SEC61A2: variants seen among roughly 807,000 people sequenced by gnomAD.
SEC61A2 encodes the protein SEC61 translocon subunit alpha 2.
A neutral mutation model predicts 59.9 loss-of-function variants in SEC61A2; 28 were observed. The ratio of observed to expected loss-of-function variants is 0.47; its 90% confidence interval spans 0.35 to 0.64. The LOEUF (loss-of-function observed/expected upper bound fraction) is 0.64, where lower values mean the gene tolerates loss of function less well. Among genes scored for constraint, SEC61A2 ranks in the 30% least tolerant of loss-of-function variants. The probability of loss-of-function intolerance (pLI) is 0.01; values close to 1 mark genes in which losing one functional copy is unlikely to be tolerated. For synonymous variants in SEC61A2, 202 were observed against 214.4 expected (o/e 0.94, Z 0.50); for missense variants, 340 against 585.9 (o/e 0.58, Z 4.33).
At chr10:12,140,962 C>T (rs1361818810) in intron 3 of SEC61A2, among the ~76,000 whole-genome samples, 2 of 150,638 alleles carry the variant, frequency 1.3e-5, no homozygotes, top group South Asian at 2.1e-4. Context: ...TTCAGTGGCA[C>T]GATGTCTGCT....
chr10:12,156,611 G>A lies in SEC61A2; in HGVS notation c.617-296G>A, dbSNP rs768562872. On this transcript the variant is annotated intron_variant, in intron 7 of 11. Transcript: ENST00000298428. The surrounding 1 kb of genome is among the most constrained non-coding windows in gnomAD (Gnocchi z 5.2). The stretch of plus-strand genomic sequence containing the variant: ...AACACTCTCTCCCTTCCCTGAAGTA[G>A]AGGAGAGGCAAATCTCTATGAATGA... Among the ~76,000 whole-genome samples, 1 of 152,204 alleles carries A rather than the reference G, an allele frequency of 6.6e-6. No individual in the cohort carries two copies. Among genetic ancestry groups the A allele is most frequent in the Non-Finnish European group, 1.5e-5 (1 of 68,042 alleles).
At chr10:12,157,827 GTTCT>G (rs1437478877) in intron 8 of SEC61A2, 77 bp from the exon 9 acceptor site, 5 of 1,350,836 alleles carry the variant, frequency 3.7e-6, no homozygotes, top group Admixed American at 1.7e-5. Context: ...CCCCCGCACT[GTTCT>G]TTGTTTTCCC....
chr10:12,161,048 T>G lies in SEC61A2; in HGVS notation c.1094T>G (p.Ile365Ser). 1 of 1,614,180 alleles carries G rather than the reference T, an allele frequency of 6.2e-7. No homozygotes were observed. ...GATCCTGTCCATGTCGTTGTTTATATCATCTTCATGTTGGGGTCATGTGCA... is the reference window on the plus strand; with the variant it reads ...GATCCTGTCCATGTCGTTGTTTATAGCATCTTCATGTTGGGGTCATGTGCA... ...FEDPVHVVVY[I>S]IFMLGSCAFF... Residue 365 changes from isoleucine to serine, a missense_variant, in exon 10 of 12, where the codon ATC (isoleucine) becomes AGC (serine). By Grantham distance (142) the Ile-to-Ser change is moderately radical (BLOSUM62 -2). This residue lies in a region of SEC61A2 where 283 missense variants were observed against 483.2 expected (regional missense o/e 0.59). Coordinates refer to ENST00000298428, the MANE Select transcript of SEC61A2 (RefSeq NM_018144.4). The surrounding 1 kb of genome is among the most constrained non-coding windows in gnomAD (Gnocchi z 5.4).
intron 3 of SEC61A2, among the ~76,000 whole-genome samples, chr10:12,140,356 C>G (rs749704469): frequency 2.6e-5 from 4 of 152,182 alleles, no homozygotes; most frequent in Non-Finnish European, 5.9e-5. Context: ...AAGTTTGGAA[C>G]TCTGCAACTG....
In SEC61A2 at chr10:12,149,469, A is replaced by G; in HGVS notation, c.221-126A>G. 2 of 882,694 alleles carry G rather than the reference A, an allele frequency of 2.3e-6. No homozygotes were observed. The highest frequency in any genetic ancestry group is 1.8e-5 in the South Asian group (1 of 56,656). The allele number at this position is 882,694 out of a possible 1,614,324, so 54.7% of individuals were successfully genotyped here. A position where few individuals can be genotyped will look rare whatever the true frequency, so the allele number is the denominator to read the frequency against. ...TTTCTTAGCAAGTAGTGTTTAAGAA[A>G]TGAAAATTTGCTTGTTAAAATTTTC... On this transcript the variant is annotated intron_variant, in intron 4 of 11. Transcript: ENST00000298428. The surrounding 1 kb of genome is among the most constrained non-coding windows in gnomAD (Gnocchi z 5.2).
At chr10:12,163,357 CTT>C (rs1050586978) in intron 11 of SEC61A2, among the ~76,000 whole-genome samples, 1 of 119,954 alleles carries the variant, frequency 8.3e-6, no homozygotes, top group Admixed American at 1.1e-4. Context: ...TGGGGCCTCA[CTT>C]TGTCACCCAG....
At chr10:12,134,717 A>G (rs1017350199) in intron 2 of SEC61A2, among the ~76,000 whole-genome samples, 1 of 151,960 alleles carries the variant, frequency 6.6e-6, no homozygotes, top group Non-Finnish European at 1.5e-5. Context: ...AGAGATGGGG[A>G]CCATCCTTGC....
downstream of SEC61A2, chr10:12,169,118 T>C: frequency 1.8e-6 from 1 of 557,868 alleles, no homozygotes; most frequent in Non-Finnish European, 3.2e-6. This position sits in a 1 kb window ranked among gnomAD's most constrained non-coding sequence, Gnocchi z 4.8. Context: ...ATGTTGCTGG[T>C]TGAATAAACG....
rs1371942340 is a variant in SEC61A2 at position 12,158,071 on chromosome 10, G to A, written c.941G>A (p.Gly314Asp). ...ISQMLSVRFS[G>D]NFLVNLLGQW... is the part of the protein sequence containing the mutation. ...CAGATGCTGTCTGTTCGATTTAGTG[G>A]CAACTTTTTAGTAAATTTACTAGGA... is the stretch of plus-strand genomic sequence containing the variant. The change falls in exon 9 of 12, where the codon GGC (glycine) becomes GAC (aspartate). Residue 314 changes from glycine to aspartate, a missense_variant. Gly to Asp is a moderately conservative substitution (Grantham distance 94). Transcript: ENST00000298428. The surrounding 1 kb of genome is among the most constrained non-coding windows in gnomAD (Gnocchi z 5.7). 10 of 1,614,046 alleles carry A rather than the reference G, an allele frequency of 6.2e-6. No individual in the cohort carries two copies. Among genetic ancestry groups the A allele is most frequent in the Non-Finnish European group, 1.7e-6 (2 of 1,179,960 alleles).
Position 12,145,301 on chromosome 10 carries a change from C to T in SEC61A2, c.220+2106C>T, listed in dbSNP as rs1486369983. 2.6e-5 allele frequency among the ~76,000 whole-genome samples: 4 copies of T among 152,164 alleles called. No homozygotes were observed. In the East Asian group the frequency reaches 7.7e-4, roughly 29 times the overall value. On this transcript the variant is annotated intron_variant, in intron 4 of 11. Coordinates refer to ENST00000298428, the MANE Select transcript of SEC61A2 (RefSeq NM_018144.4). The surrounding 1 kb of genome is among the most constrained non-coding windows in gnomAD (Gnocchi z 4.4). Reference sequence around the variant, plus strand: ...GAATGCTACAATGAAGGCTATCACACCGTTCTGTAACTTTTTGATAGAATG... The same window carrying T: ...GAATGCTACAATGAAGGCTATCACATCGTTCTGTAACTTTTTGATAGAATG...
In SEC61A2 at chr10:12,129,759, T is replaced by TTTCC. The variant is rs1833683135; in HGVS notation, c.-28_-25dup. ...AGCGAAGGCAGCGCCGAGGCCGCGGTTTCCCCCTGGGCCTCCCCAGCAGCA... is the reference window on the plus strand; with the variant it reads ...AGCGAAGGCAGCGCCGAGGCCGCGGTTTCCTTCCCCCTGGGCCTCCCCAGCAGCA... On this transcript the variant is annotated 5_prime_UTR_variant, in exon 1 of 12. Transcript: ENST00000298428. The surrounding 1 kb of genome is among the most constrained non-coding windows in gnomAD (Gnocchi z 5.6). 4 of 1,488,900 alleles carry TTTCC rather than the reference T, an allele frequency of 2.7e-6. No homozygotes were observed. Among genetic ancestry groups the TTTCC allele is most frequent in the Non-Finnish European group, 3.6e-6 (4 of 1,124,444 alleles). 92.2% of individuals were successfully genotyped at this position (1,488,900 alleles called of 1,614,324 possible).
Position 12,129,871 on chromosome 10 carries a change from G to A in SEC61A2, c.7+77G>A. 1 of 1,263,152 alleles carries A rather than the reference G, an allele frequency of 7.9e-7. No individual in the cohort carries two copies. Among genetic ancestry groups the A allele is most frequent in the Non-Finnish European group, 1.0e-6 (1 of 985,894 alleles). The allele number at this position is 1,263,152 out of a possible 1,614,324, so 78.2% of individuals were successfully genotyped here. A position where few individuals can be genotyped will look rare whatever the true frequency, so the allele number is the denominator to read the frequency against. On this transcript the variant is annotated intron_variant, in intron 1 of 11. Transcript: ENST00000298428. This position sits in a 1 kb window ranked among gnomAD's most constrained non-coding sequence, Gnocchi z 5.6. Reference sequence around the variant, plus strand: ...CTGGGCTGCGGGCGGTGGGGCTGGCGCTCGCTCGGAGTCGTGGGGGCCAGG... The same window carrying A: ...CTGGGCTGCGGGCGGTGGGGCTGGCACTCGCTCGGAGTCGTGGGGGCCAGG...
Position 12,152,921 on chromosome 10 carries a change from T to G in SEC61A2, c.463-2857T>G, listed in dbSNP as rs1378001976. 1.3e-5 allele frequency among the ~76,000 whole-genome samples: 2 copies of G among 151,736 alleles called. No homozygotes were observed. The highest frequency in any genetic ancestry group is 2.9e-5 in the Non-Finnish European group (2 of 67,932). ...TAAAACGACAAAAATTAGCCAGGCG[T>G]GGCGGTGTGTGCCTGTAATCCCAGC... On this transcript the variant is annotated intron_variant, in intron 6 of 11. Coordinates refer to ENST00000298428, the MANE Select transcript of SEC61A2 (RefSeq NM_018144.4). This position sits in a 1 kb window ranked among gnomAD's most constrained non-coding sequence, Gnocchi z 5.5.
chr10:12,145,257 G>A lies in SEC61A2; in HGVS notation c.220+2062G>A, dbSNP rs4750171. Among the ~76,000 whole-genome samples, 53,189 of 151,816 alleles carry A rather than the reference G, an allele frequency of 0.35. 9,740 individuals carry two copies. The highest frequency in any genetic ancestry group is 0.42 in the East Asian group (2,171 of 5,172). ...TCATATATTACGTTTTTTTCCCCCC[G>A]ATTTTATATCATTATAAAGAATGCT... On this transcript the variant is annotated intron_variant, in intron 4 of 11. Coordinates refer to ENST00000298428, the MANE Select transcript of SEC61A2 (RefSeq NM_018144.4). The surrounding 1 kb of genome is among the most constrained non-coding windows in gnomAD (Gnocchi z 4.4).
At chr10:12,136,349 C>A (rs1437776762) in intron 3 of SEC61A2, among the ~76,000 whole-genome samples, 179 bp downstream of exon 3, 1 of 152,096 alleles carries the variant, frequency 6.6e-6, no homozygotes, top group African/African-American at 2.4e-5. Flanking sequence ...CACTCTGTTG[C>A]CCAAGCTGGA....
At chr10:12,138,414 A>G (rs969285437) in intron 3 of SEC61A2, among the ~76,000 whole-genome samples, 1 of 152,176 alleles carries the variant, frequency 6.6e-6, no homozygotes, top group African/African-American at 2.4e-5. Flanking sequence ...AGTAAAGTAC[A>G]CCTGTTTTTA....
At chr10:12,140,900 G>GTTTTTGTT in intron 3 of SEC61A2, among the ~76,000 whole-genome samples, 1 of 151,278 alleles carries the variant, frequency 6.6e-6, no homozygotes, top group South Asian at 2.1e-4. Flanking sequence ...ACTCCCAGCT[G>GTTTTTGTT]TTTTTGTTTT....
In SEC61A2 at chr10:12,136,035, A is replaced by G; in HGVS notation, c.76-70A>G. The G allele has an allele frequency of 2.0e-6, 2 of 978,592 alleles. 1 individual carries two copies. Among genetic ancestry groups the G allele is most frequent in the Non-Finnish European group, 3.3e-6 (2 of 602,874 alleles). 60.6% of individuals were successfully genotyped at this position (978,592 alleles called of 1,614,324 possible). ...TTAGGCCCCAAAGAATAACCTCAAA[A>G]CTCTGCTGCCCCCCAAAAATTTGCT... On this transcript the variant is annotated intron_variant, in intron 2 of 11. Coordinates refer to ENST00000298428, the MANE Select transcript of SEC61A2 (RefSeq NM_018144.4).
rs537639789 is a variant in SEC61A2 at position 12,158,672 on chromosome 10, G to A, written c.975+567G>A. Among the ~76,000 whole-genome samples the A allele has an allele frequency of 1.3e-5, 2 of 152,178 alleles. No individual in the cohort carries two copies. The highest frequency in any genetic ancestry group is 2.4e-5 in the African/African-American group (1 of 41,452). On this transcript the variant is annotated intron_variant, in intron 9 of 11. Transcript: ENST00000298428. The surrounding 1 kb of genome is among the most constrained non-coding windows in gnomAD (Gnocchi z 5.7). ...TGGAACCCAGGAGATGGAGGTTGCT[G>A]TGAGCTGAGATCACGCCACTGCACT...
Sources: allele counts gnomAD v4.1 joint callset (sites outside exome capture counted in the v4.1 genomes callset), GRCh38; gene constraint gnomAD v4.1.1; regional missense constraint gnomAD v4.1.1; non-coding constraint Gnocchi (gnomAD v3.1); transcripts MANE v1.5; gene names NCBI Gene and HGNC (gene_info 2026-07-23, HGNC 2026-07-21).